ATL1: variants seen among roughly 807,000 people sequenced by gnomAD.
ATL1 encodes atlastin-1.
ATL1 carries 31 observed loss-of-function variants against 75.5 expected under a neutral mutation model. That is an observed-to-expected ratio of 0.41 (90% CI 0.31 to 0.55). The LOEUF (loss-of-function observed/expected upper bound fraction) is 0.55. Among genes scored for constraint, ATL1 ranks in the 20% least tolerant of loss-of-function variants. The pLI is 0.27. For missense variants in ATL1, 405 were observed against 662.6 expected, an observed-to-expected ratio of 0.61 and a Z score of 4.27; for synonymous variants, 226 against 233.3, an observed-to-expected ratio of 0.97 and a Z score of 0.28.
chr14:50,597,220 C>CAAAAAAAAAAAAAAAA (rs372066395), intron 6 of ATL1, among the ~76,000 whole-genome samples: 117 of 108,302 alleles, frequency 1.1e-3, no homozygotes, highest in African/African-American at 3.4e-3. Context: ...AAAAAACAAA[C>CAAAAAAAAAAAAAAAA]AAAAAAAAAA....
chr14:50,568,255 G>A (rs2038922844), intron 1 of ATL1, among the ~76,000 whole-genome samples: 1 of 152,070 alleles, frequency 6.6e-6, no homozygotes, highest in African/African-American at 2.4e-5. Flanking sequence ...TCCTAGCCAG[G>A]TATGGTGGTA....
intron 1 of ATL1, among the ~76,000 whole-genome samples, chr14:50,552,078 G>C (rs1282179655): frequency 6.6e-6 from 1 of 152,128 alleles, no homozygotes; most frequent in East Asian, 1.9e-4. Context: ...AACTGTTGCT[G>C]TTCGCCGATG....
chr14:50,573,307 T>C (rs2038971537), intron 1 of ATL1, among the ~76,000 whole-genome samples: 1 of 152,230 alleles, frequency 6.6e-6, no homozygotes, highest in Admixed American at 6.5e-5. Flanking sequence ...GAATATATTT[T>C]GTATCGCACC....
At chr14:50,616,574 C>G (rs1051789462) in intron 8 of ATL1, among the ~76,000 whole-genome samples, 2 of 151,994 alleles carry the variant, frequency 1.3e-5, no homozygotes, top group African/African-American at 4.8e-5. Flanking sequence ...TGATAAATTA[C>G]AGGCATGAGC....
Position 50,587,853 on chromosome 14 carries a change from T to C in ATL1, c.57T>C (p.Tyr19=). ...NSWGGFSEKT[Y]EWSSEEEEPV... The stretch of plus-strand genomic sequence containing the variant: ...CAGGTGGATTTTCGGAAAAGACATA[T>C]GAATGGAGCTCAGAAGAGGAGGAGC... The change falls in exon 2 of 14, where the codon TAT becomes TAC. Residue 19 remains tyrosine (Y), a synonymous_variant. Transcript: ENST00000358385. 6.2e-7 allele frequency: 1 copy of C among 1,614,196 alleles called. No individual in the cohort carries two copies. Among genetic ancestry groups the C allele is most frequent in the Non-Finnish European group, 8.5e-7 (1 of 1,180,028 alleles).
chr14:50,628,177 G>A lies in ATL1; in HGVS notation c.1266G>A (p.Glu422=), dbSNP rs1595625167. The change falls in exon 12 of 14, where the codon GAG becomes GAA. Residue 422 remains glutamate (E), a synonymous_variant. Coordinates refer to ENST00000358385, the MANE Select transcript of ATL1 (RefSeq NM_015915.5). ...GCCGGCGTTACCTGCAGCAGTTGGA[G>A]AGTGAAATAGATGAACTTTACATCC... ...EFSRRYLQQL[E]SEIDELYIQY... 1 of 1,614,180 alleles carries A rather than the reference G, an allele frequency of 6.2e-7. No homozygotes were observed. The highest frequency in any genetic ancestry group is 8.5e-7 in the Non-Finnish European group (1 of 1,180,030).
Position 50,578,166 on chromosome 14 carries a change from T to C in ATL1, c.35-9665T>C, listed in dbSNP as rs569279600. Reference sequence around the variant, plus strand: ...TATTTAATATGGTATTTTGCTTACATAGACAGAATGAGACTTCTTTGTATA... The same window carrying C: ...TATTTAATATGGTATTTTGCTTACACAGACAGAATGAGACTTCTTTGTATA... On this transcript the variant is annotated intron_variant, in intron 1 of 13. Transcript: ENST00000358385. Among the ~76,000 whole-genome samples, 5 of 152,320 alleles carry C rather than the reference T, an allele frequency of 3.3e-5. No individual in the cohort carries two copies. The South Asian group carries it at 6.2e-4, about 19-fold the overall frequency.
intron 1 of ATL1, among the ~76,000 whole-genome samples, chr14:50,572,727 A>G (rs973040406): frequency 2.0e-4 from 30 of 152,096 alleles, no homozygotes; most frequent in African/African-American, 7.0e-4. Context: ...TTAAGGCTAT[A>G]AGTTTTTTCT....
rs769040957 is a variant in ATL1 at position 50,560,224 on chromosome 14, G to A, written c.-42G>A. ...CCTGCGGCCCCGGAGAAGGCAGCGA[G>A]CGCAGTGACAGCGCCTCACCGCCAC... On this transcript the variant is annotated 5_prime_UTR_variant, in exon 1 of 14. Transcript: ENST00000358385. 2.4e-5 allele frequency: 39 copies of A among 1,611,938 alleles called. No individual in the cohort carries two copies. The East Asian group carries it at 2.9e-4, about 12-fold the overall frequency.
chr14:50,576,912 T>C (rs1195940048), intron 1 of ATL1, among the ~76,000 whole-genome samples: 1 of 151,824 alleles, frequency 6.6e-6, no homozygotes, highest in Non-Finnish European at 1.5e-5. Context: ...TTATTGTGTA[T>C]ATAATATATA....
chr14:50,533,495 G>A (rs1220110581), intron 1 of ATL1: 1 of 152,106 alleles, frequency 6.6e-6, no homozygotes, highest in Non-Finnish European at 1.5e-5. Context: ...ACAGGAGTTC[G>A]GGGAAGTAAT....
intron 1 of ATL1, among the ~76,000 whole-genome samples, chr14:50,553,595 T>C (rs904408792): frequency 6.6e-6 from 1 of 152,162 alleles, no homozygotes; most frequent in Non-Finnish European, 1.5e-5. Flanking sequence ...GCAATCCCAC[T>C]ACTGGGTGTT....
chr14:50,537,221 CGTGG>C (rs1342650670), intron 1 of ATL1, among the ~76,000 whole-genome samples: 1 of 152,214 alleles, frequency 6.6e-6, no homozygotes, highest in Non-Finnish European at 1.5e-5. Flanking sequence ...GAGCTGGGGC[CGTGG>C]CTTCAGAGGG....
At chr14:50,624,267 T>C (rs771190951) in intron 11 of ATL1, among the ~76,000 whole-genome samples, 3 of 152,090 alleles carry the variant, frequency 2.0e-5, no homozygotes, top group Non-Finnish European at 2.9e-5. Flanking sequence ...GGCAACCCTA[T>C]GTGAAGCAAG....
intron 6 of ATL1, among the ~76,000 whole-genome samples, chr14:50,607,720 T>C (rs1209840834): frequency 6.6e-6 from 1 of 152,016 alleles, no homozygotes; most frequent in Non-Finnish European, 1.5e-5. Context: ...TCCCGGTGAG[T>C]GTAGGAATAA....
At chr14:50,542,105 A>G (rs1429439213) in intron 1 of ATL1, among the ~76,000 whole-genome samples, 1 of 145,788 alleles carries the variant, frequency 6.9e-6, no homozygotes, top group African/African-American at 2.5e-5. Flanking sequence ...CTCTTGATTT[A>G]CTTCTAGGTC....
intron 8 of ATL1, among the ~76,000 whole-genome samples, chr14:50,619,050 A>G (rs2039441803): frequency 6.8e-6 from 1 of 147,094 alleles, no homozygotes; most frequent in African/African-American, 2.5e-5. Flanking sequence ...GCCACAATGT[A>G]CAGCTAATTT....
chr14:50,564,530 T>C (rs1434101320), intron 1 of ATL1, among the ~76,000 whole-genome samples: 2 of 150,804 alleles, frequency 1.3e-5, no homozygotes, highest in African/African-American at 4.9e-5. Flanking sequence ...GCACTTGTAA[T>C]CCCAGCTACT....
chr14:50,547,935 A>G (rs1391814419), intron 1 of ATL1, among the ~76,000 whole-genome samples: 3 of 152,212 alleles, frequency 2.0e-5, no homozygotes, highest in African/African-American at 7.2e-5. Context: ...ATAGTTGCAT[A>G]GTACCTATCT....
Sources: gnomAD v4.1 joint callset for allele counts (sites outside exome capture counted in the v4.1 genomes callset) on GRCh38, gnomAD v4.1.1 for gene constraint, MANE v1.5 for transcripts, NCBI Gene and HGNC (gene_info 2026-07-23, HGNC 2026-07-21) for gene names.